TIGD3: variants seen among roughly 807,000 people sequenced by gnomAD.
TIGD3 encodes tigger transposable element derived 3.
A neutral mutation model predicts 14.8 loss-of-function variants in TIGD3; 7 were observed. That is an observed-to-expected ratio of 0.47 (90% confidence interval 0.27 to 0.89). The LOEUF (loss-of-function observed/expected upper bound fraction) is 0.89. TIGD3 is among the 40% of genes least tolerant of loss of function. The pLI is 0.13. For synonymous variants in TIGD3, 243 were observed against 269.4 expected (o/e 0.90, Z 0.96); for missense variants, 581 against 611.0 (o/e 0.95, Z 0.52).
Position 65,356,086 on chromosome 11 carries a change from A to G in TIGD3, c.278A>G (p.Lys93Arg), listed in dbSNP as rs776717267. ...TGCTGGTACCACATTGCCCGGGCCAAGGCCTGGGACGTGACGGGGCCCATG... is the reference window on the plus strand; with the variant it reads ...TGCTGGTACCACATTGCCCGGGCCAGGGCCTGGGACGTGACGGGGCCCATG... ...LLCWYHIARA[K>R]AWDVTGPMLL... Residue 93 changes from lysine to arginine, a missense_variant, in exon 2 of 2, where the codon AAG becomes AGG. By Grantham distance (26) the Lys-to-Arg change is conservative. Coordinates refer to ENST00000309880, the MANE Select transcript of TIGD3 (RefSeq NM_145719.3). This position sits in a 1 kb window ranked among gnomAD's most constrained non-coding sequence, Gnocchi z 5.2. The G allele has an allele frequency of 6.2e-7, 1 of 1,611,800 alleles. No homozygotes were observed. The highest frequency in any genetic ancestry group is 1.1e-5 in the South Asian group (1 of 91,082).
chr11:65,357,277 C>CAA lies in TIGD3; in HGVS notation c.*53_*54insAA. On this transcript the variant is annotated 3_prime_UTR_variant, in exon 2 of 2. Coordinates refer to ENST00000309880, the MANE Select transcript of TIGD3 (RefSeq NM_145719.3). ...CTTCCTCTCTTGTTTCCCATGGAAA[C>CAA]GGCCTCTTCAGAAGGCAGATCGGGC... 2 of 1,550,640 alleles carry CAA rather than the reference C, an allele frequency of 1.3e-6. No individual in the cohort carries two copies. Among genetic ancestry groups the CAA allele is most frequent in the Non-Finnish European group, 1.8e-6 (2 of 1,133,138 alleles).
rs774376561 is a variant in TIGD3 at position 65,356,672 on chromosome 11, C to T, written c.864C>T (p.Ala288=). Residue 288 remains alanine (A), a synonymous_variant, in exon 2 of 2, where the codon GCC becomes GCT. Transcript: ENST00000309880. This position sits in a 1 kb window ranked among gnomAD's most constrained non-coding sequence, Gnocchi z 5.2. ...GLYHVKLLPL[A]ASSTTPPLPS... ...ACCACGTGAAGCTCTTGCCTCTGGCCGCCTCTAGCACCACGCCTCCCCTGC... is the reference window on the plus strand; with the variant it reads ...ACCACGTGAAGCTCTTGCCTCTGGCTGCCTCTAGCACCACGCCTCCCCTGC... The T allele has an allele frequency of 2.5e-6, 4 of 1,613,160 alleles. No individual in the cohort carries two copies. In the African/African-American group the frequency reaches 5.3e-5, roughly 22 times the overall value.
In TIGD3 at chr11:65,356,598, C is replaced by T. The variant is rs1269712835; in HGVS notation, c.790C>T (p.Leu264=). The T allele has an allele frequency of 1.9e-6, 3 of 1,610,696 alleles. No individual in the cohort carries two copies. Among genetic ancestry groups the T allele is most frequent in the Non-Finnish European group, 2.5e-6 (3 of 1,179,960 alleles). The part of the protein sequence containing the change: ...MGQQGRQVAL[L]LAARVVEELA... ...ACAGCAGGGCCGACAGGTGGCTTTG[C>T]TGCTGGCTGCCCGAGTGGTGGAGGA... The change falls in exon 2 of 2, where the codon CTG becomes TTG. Residue 264 remains leucine (L), a synonymous_variant. Coordinates refer to ENST00000309880, the MANE Select transcript of TIGD3 (RefSeq NM_145719.3). This position sits in a 1 kb window ranked among gnomAD's most constrained non-coding sequence, Gnocchi z 5.2.
In TIGD3 at chr11:65,357,216, T is replaced by G. The variant is rs1407449153; in HGVS notation, c.1408T>G (p.Cys470Gly). ...TGAGGAGGAGGTGGAGCGGCTTTGC[T>G]GCCTATGAAGGCGCCTTCACTGCTT... The part of the protein sequence containing the change: ...DCEEEVERLC[C>G]L The change falls in exon 2 of 2, where the codon TGC (cysteine) becomes GGC (glycine). Residue 470 changes from cysteine (C) to glycine (G), a missense_variant. Cys to Gly is a radical substitution (Grantham distance 159). Transcript: ENST00000309880. 6.2e-7 allele frequency: 1 copy of G among 1,614,120 alleles called. No homozygotes were observed. The highest frequency in any genetic ancestry group is 1.1e-5 in the South Asian group (1 of 91,070).
rs770535236 is a variant in TIGD3, at chr11:65,356,790, C to T, written c.982C>T (p.Leu328=). Residue 328 remains leucine, a synonymous_variant, in exon 2 of 2, where the codon CTG becomes TTG. Transcript: ENST00000309880. This position sits in a 1 kb window ranked among gnomAD's most constrained non-coding sequence, Gnocchi z 5.2. The stretch of plus-strand genomic sequence containing the variant: ...CCAAAGCGAGAGGGATGGCACCTCG[C>T]TGGCCGAGGCCGGGGCAGGCATCAC... ...AIQSERDGTS[L]AEAGAGITVL... 1.9e-6 allele frequency: 3 copies of T among 1,612,854 alleles called. No homozygotes were observed. The highest frequency in any genetic ancestry group is 4.5e-5 in the East Asian group (2 of 44,890).
Position 65,356,958 on chromosome 11 carries a change from C to T in TIGD3, c.1150C>T (p.Pro384Ser). Residue 384 changes from proline (P) to serine (S), a missense_variant, in exon 2 of 2, where the codon CCC becomes TCC. Transcript: ENST00000309880. This position sits in a 1 kb window ranked among gnomAD's most constrained non-coding sequence, Gnocchi z 5.2. ...CAAAACCTCTGAGATGCCACCAGTC[C>T]CCGGCGGGCTGAGCCTGGAGGAGTT... ...SHKTSEMPPV[P>S]GGLSLEEFSR... 1 of 1,614,160 alleles carries T rather than the reference C, an allele frequency of 6.2e-7. No homozygotes were observed. The highest frequency in any genetic ancestry group is 1.7e-5 in the Admixed American group (1 of 60,028).
At position 65,356,975 on chromosome 11, in the gene TIGD3, G is replaced by A; in HGVS notation, c.1167G>A (p.Leu389=). The A allele has an allele frequency of 6.2e-7, 1 of 1,614,180 alleles. No individual in the cohort carries two copies. Among genetic ancestry groups the A allele is most frequent in the Non-Finnish European group, 8.5e-7 (1 of 1,180,028 alleles). The part of the protein sequence containing the change: ...EMPPVPGGLS[L]EEFSRFVDLE... ...CACCAGTCCCCGGCGGGCTGAGCCT[G>A]GAGGAGTTTTCCCGCTTTGTGGACC... Residue 389 remains leucine (L), a synonymous_variant, in exon 2 of 2, where the codon CTG becomes CTA. Transcript: ENST00000309880. This position sits in a 1 kb window ranked among gnomAD's most constrained non-coding sequence, Gnocchi z 5.2.
chr11:65,356,754 CTG>C lies in TIGD3; in HGVS notation c.947_948del (p.Leu316ArgfsTer63). 7 of 1,613,100 alleles carry C rather than the reference CTG, an allele frequency of 4.3e-6. No homozygotes were observed. Among genetic ancestry groups the C allele is most frequent in the Non-Finnish European group, 5.9e-6 (7 of 1,179,972 alleles). ...TTACCGACACCGGCTGTTGGGCAAA[CTG>C]GCTGCCATCCAAAGCGAGAGGGATG... ...AHYRHRLLGK[L>X]AAIQSERDGT... On this transcript the variant is annotated frameshift_variant, in exon 2 of 2. Transcript: ENST00000309880. LOFTEE classifies it low-confidence loss of function (END_TRUNC). The surrounding 1 kb of genome is among the most constrained non-coding windows in gnomAD (Gnocchi z 5.2).
chr11:65,354,838 G>C lies in TIGD3; in HGVS notation c.-136G>C, dbSNP rs1001503323. 6 of 151,690 alleles carry C rather than the reference G, an allele frequency of 4.0e-5. No individual in the cohort carries two copies. The highest frequency in any genetic ancestry group is 1.5e-4 in the African/African-American group (6 of 41,326). 9.4% of individuals were successfully genotyped at this position (151,690 alleles called of 1,614,324 possible). A position where few individuals can be genotyped will look rare whatever the true frequency, so the allele number is the denominator to read the frequency against. ...CGCCCGCCGTCCGCGCAGGCCCTCG[G>C]TCCGCTCTGCCCTCGGGGTCGTGGC... On this transcript the variant is annotated 5_prime_UTR_variant, in exon 1 of 2. Transcript: ENST00000309880.
At chr11:65,355,764 T>C (rs1266944226) in intron 1 of TIGD3, 29 bp from the exon 2 acceptor site, 2 of 1,555,406 alleles carry the variant, frequency 1.3e-6, no homozygotes, top group Non-Finnish European at 1.7e-6. Flanking sequence ...CAGATTACTC[T>C]ACCCGCTCAA....
intron 1 of TIGD3, among the ~76,000 whole-genome samples, chr11:65,355,180 T>G (rs2137724019): frequency 6.6e-6 from 1 of 151,976 alleles, no homozygotes; most frequent in African/African-American, 2.4e-5. Context: ...CTCCCGCCCT[T>G]TGTCGCTCGT....
chr11:65,356,159 C>T lies in TIGD3; in HGVS notation c.351C>T (p.Phe117=), dbSNP rs1397580021. ...KELADIMGQD[F]VPSIGWLVRW... ...TGGCCGATATCATGGGCCAGGACTT[C>T]GTGCCCAGCATCGGCTGGCTGGTCC... Residue 117 remains phenylalanine, a synonymous_variant, in exon 2 of 2, where the codon TTC becomes TTT. Coordinates refer to ENST00000309880, the MANE Select transcript of TIGD3 (RefSeq NM_145719.3). This position sits in a 1 kb window ranked among gnomAD's most constrained non-coding sequence, Gnocchi z 5.2. The T allele has an allele frequency of 6.2e-7, 1 of 1,612,242 alleles. No homozygotes were observed. The highest frequency in any genetic ancestry group is 8.5e-7 in the Non-Finnish European group (1 of 1,180,026).
In TIGD3 at chr11:65,354,836, C is replaced by T. The variant is rs562903987; in HGVS notation, c.-138C>T. On this transcript the variant is annotated 5_prime_UTR_variant, in exon 1 of 2. Transcript: ENST00000309880. ...CCCGCCCGCCGTCCGCGCAGGCCCT[C>T]GGTCCGCTCTGCCCTCGGGGTCGTG... is the stretch of plus-strand genomic sequence containing the variant. The T allele has an allele frequency of 7.6e-3, 1,143 of 150,912 alleles. 12 individuals carry two copies. The highest frequency in any genetic ancestry group is 0.026 in the African/African-American group (1,064 of 41,116). 9.3% of individuals were successfully genotyped at this position (150,912 alleles called of 1,614,324 possible).
chr11:65,357,142 T>G lies in TIGD3; in HGVS notation c.1334T>G (p.Phe445Cys). 6.2e-7 allele frequency: 1 copy of G among 1,614,180 alleles called. No homozygotes were observed. Among genetic ancestry groups the G allele is most frequent in the African/African-American group, 1.3e-5 (1 of 75,046 alleles). The change falls in exon 2 of 2, where the codon TTT becomes TGT. Residue 445 changes from phenylalanine (F) to cysteine (C), a missense_variant. Coordinates refer to ENST00000309880, the MANE Select transcript of TIGD3 (RefSeq NM_145719.3). ...GCCCTGGGCACCTTGAGGAGGTGGTTTGAATGCAACAGCACTTCTCCTGAG... is the reference window on the plus strand; with the variant it reads ...GCCCTGGGCACCTTGAGGAGGTGGTGTGAATGCAACAGCACTTCTCCTGAG... ...LRALGTLRRW[F>C]ECNSTSPELF...
In TIGD3 at chr11:65,356,979, G is replaced by A; in HGVS notation, c.1171G>A (p.Glu391Lys). Residue 391 changes from glutamate to lysine, a missense_variant, in exon 2 of 2, where the codon GAG becomes AAG. Transcript: ENST00000309880. This position sits in a 1 kb window ranked among gnomAD's most constrained non-coding sequence, Gnocchi z 5.2. ...PPVPGGLSLE[E>K]FSRFVDLEGE... is the part of the protein sequence containing the mutation. ...AGTCCCCGGCGGGCTGAGCCTGGAG[G>A]AGTTTTCCCGCTTTGTGGACCTGGA... The A allele has an allele frequency of 6.2e-7, 1 of 1,614,166 alleles. No homozygotes were observed. The highest frequency in any genetic ancestry group is 8.5e-7 in the Non-Finnish European group (1 of 1,180,040).
At position 65,356,230 on chromosome 11, in the gene TIGD3, T is replaced by C. The variant is rs767283731; in HGVS notation, c.422T>C (p.Leu141Pro). 1 of 1,613,270 alleles carries C rather than the reference T, an allele frequency of 6.2e-7. No homozygotes were observed. Among genetic ancestry groups the C allele is most frequent in the African/African-American group, 1.3e-5 (1 of 75,082 alleles). ...NNVGFGARHV[L>P]APSFPPEPPP... ...GTCGGCTTTGGGGCCCGCCATGTTC[T>C]TGCGCCTTCATTCCCCCCTGAGCCA... Residue 141 changes from leucine (L) to proline (P), a missense_variant, in exon 2 of 2, where the codon CTT becomes CCT. Leu to Pro is a moderately conservative substitution (Grantham distance 98, BLOSUM62 -3). Transcript: ENST00000309880. This position sits in a 1 kb window ranked among gnomAD's most constrained non-coding sequence, Gnocchi z 5.2.
At position 65,356,760 on chromosome 11, in the gene TIGD3, G is replaced by A; in HGVS notation, c.952G>A (p.Ala318Thr). 1 of 1,613,008 alleles carries A rather than the reference G, an allele frequency of 6.2e-7. No individual in the cohort carries two copies. The highest frequency in any genetic ancestry group is 8.5e-7 in the Non-Finnish European group (1 of 1,179,934). The stretch of plus-strand genomic sequence containing the variant: ...ACACCGGCTGTTGGGCAAACTGGCT[G>A]CCATCCAAAGCGAGAGGGATGGCAC... ...YRHRLLGKLA[A>T]IQSERDGTSL... The change falls in exon 2 of 2, where the codon GCC (alanine) becomes ACC (threonine). Residue 318 changes from alanine (A) to threonine (T), a missense_variant. Transcript: ENST00000309880. The surrounding 1 kb of genome is among the most constrained non-coding windows in gnomAD (Gnocchi z 5.2).
At chr11:65,355,725 C>T (rs1294332238) in intron 1 of TIGD3, 68 bp from the exon 2 acceptor site, 11 of 1,333,474 alleles carry the variant, frequency 8.2e-6, no homozygotes, top group Non-Finnish European at 1.1e-5. Context: ...CTTTTCCCTC[C>T]TGCGCTCCTT....
chr11:65,356,952 C>G lies in TIGD3; in HGVS notation c.1144C>G (p.Pro382Ala), dbSNP rs777668705. The G allele has an allele frequency of 6.2e-7, 1 of 1,614,064 alleles. No homozygotes were observed. The highest frequency in any genetic ancestry group is 1.3e-5 in the African/African-American group (1 of 74,948). ...CTCGCACAAAACCTCTGAGATGCCA[C>G]CAGTCCCCGGCGGGCTGAGCCTGGA... is the stretch of plus-strand genomic sequence containing the variant. ...PSSHKTSEMP[P>A]VPGGLSLEEF... The change falls in exon 2 of 2, where the codon CCA becomes GCA. Residue 382 changes from proline (P) to alanine (A), a missense_variant. Coordinates refer to ENST00000309880, the MANE Select transcript of TIGD3 (RefSeq NM_145719.3). This position sits in a 1 kb window ranked among gnomAD's most constrained non-coding sequence, Gnocchi z 5.2.
Sources: allele counts gnomAD v4.1 joint callset (sites outside exome capture counted in the v4.1 genomes callset), GRCh38; gene constraint gnomAD v4.1.1; non-coding constraint Gnocchi (gnomAD v3.1); transcripts MANE v1.5; gene names NCBI Gene and HGNC (gene_info 2026-07-23, HGNC 2026-07-21).